The following PDZRN4 variants were observed in gnomAD, a reference collection of about 807,000 sequenced individuals.
The protein encoded by PDZRN4 is PDZ domain-containing RING finger protein 4.
Under a neutral mutation model 99.0 loss-of-function variants are expected in PDZRN4, and 70 were observed. The ratio of observed to expected loss-of-function variants is 0.71; its 90% CI spans 0.58 to 0.86. The LOEUF (loss-of-function observed/expected upper bound fraction) is 0.86, where lower values mean the gene tolerates loss of function less well. Ranked by LOEUF, PDZRN4 falls within the 40% of genes least tolerant of loss-of-function variation. PDZRN4 has a pLI of 0.00. For missense variants in PDZRN4, 1,474 were observed against 1,331.2 expected (o/e 1.11, Z -1.67); for synonymous variants, 551 against 501.6 (o/e 1.10, Z -1.32).
intron 3 of PDZRN4, among the ~76,000 whole-genome samples, chr12:41,196,022 T>C (rs1214967764): frequency 6.6e-6 from 1 of 152,168 alleles, no homozygotes; most frequent in Admixed American, 6.5e-5. Flanking sequence ...GACAATATTA[T>C]GTATGCTTCA....
intron 3 of PDZRN4, among the ~76,000 whole-genome samples, chr12:41,261,100 G>C (rs191930199): frequency 6.6e-6 from 1 of 152,130 alleles, no homozygotes; most frequent in African/African-American, 2.4e-5. Flanking sequence ...AGTTTTAAAA[G>C]ACATAGGATT....
In PDZRN4 at chr12:41,188,687, C is replaced by A; in HGVS notation, c.232C>A (p.Arg78=). 1 of 1,559,148 alleles carries A rather than the reference C, an allele frequency of 6.4e-7. No homozygotes were observed. The highest frequency in any genetic ancestry group is 1.2e-5 in the South Asian group (1 of 85,756). The change falls in exon 1 of 10, where the codon CGA becomes AGA. Residue 78 remains arginine, a synonymous_variant. Coordinates refer to ENST00000402685, the MANE Select transcript of PDZRN4 (RefSeq NM_001164595.2). The part of the protein sequence containing the change: ...LPLRSLIQKL[R]VQCDYRARGC... The stretch of plus-strand genomic sequence containing the variant: ...GCTGCGCAGCCTCATCCAGAAGCTG[C>A]GAGTCCAGTGCGACTACCGCGCCCG...
At chr12:41,541,271 T>A (rs1479343230) in intron 5 of PDZRN4, among the ~76,000 whole-genome samples, 4 of 151,660 alleles carry the variant, frequency 2.6e-5, no homozygotes, top group Non-Finnish European at 5.9e-5. Flanking sequence ...TCCTTACCCA[T>A]CTATCCTACC....
chr12:41,489,804 C>T (rs1169917171), intron 3 of PDZRN4, among the ~76,000 whole-genome samples: 1 of 151,902 alleles, frequency 6.6e-6, no homozygotes, highest in African/African-American at 2.4e-5. Context: ...TTCACAAGGG[C>T]CAAGTTCAGC....
At chr12:41,384,355 C>T (rs1051374624) in intron 3 of PDZRN4, among the ~76,000 whole-genome samples, 2 of 152,084 alleles carry the variant, frequency 1.3e-5, no homozygotes, top group Non-Finnish European at 2.9e-5. Flanking sequence ...GTAATATCCT[C>T]CTTACTCAGT....
At chr12:41,505,029 T>C (rs1938180666) in intron 3 of PDZRN4, among the ~76,000 whole-genome samples, 1 of 152,142 alleles carries the variant, frequency 6.6e-6, no homozygotes, top group Admixed American at 6.5e-5. Flanking sequence ...CTACATGACA[T>C]GATGATTTCT....
intron 3 of PDZRN4, among the ~76,000 whole-genome samples, chr12:41,267,021 A>T (rs1159370493): frequency 6.6e-6 from 1 of 152,172 alleles, no homozygotes; most frequent in Non-Finnish European, 1.5e-5. Context: ...GCATCAAAGC[A>T]TTCTTTGCTC....
rs189518071 is a variant in PDZRN4 at position 41,204,436 on chromosome 12, T to A, written c.843+10248T>A. Among the ~76,000 whole-genome samples the A allele has an allele frequency of 1.4e-3, 213 of 152,058 alleles. 2 individuals carry two copies. The highest frequency in any genetic ancestry group is 7.1e-4 in the Non-Finnish European group (48 of 67,926). On this transcript the variant is annotated intron_variant, in intron 3 of 9. Coordinates refer to ENST00000402685, the MANE Select transcript of PDZRN4 (RefSeq NM_001164595.2). ...TGTTAGAAAAGATCTTGCAGTAATA[T>A]AGTGGGTGTTGGAAGTACTAGGCCA... is the stretch of plus-strand genomic sequence containing the variant.
At chr12:41,314,298 A>G (rs11180776) in intron 3 of PDZRN4, among the ~76,000 whole-genome samples, 13,156 of 152,102 alleles carry the variant, frequency 0.086, 635 homozygotes, top group East Asian at 0.13. Flanking sequence ...TGATCCTCCA[A>G]CCCTATATTT....
chr12:41,236,022 A>G (rs1486298749), intron 3 of PDZRN4, among the ~76,000 whole-genome samples: 1 of 152,198 alleles, frequency 6.6e-6, no homozygotes, highest in African/African-American at 2.4e-5. Flanking sequence ...AATAAACTCT[A>G]CATTTATTTG....
At chr12:41,305,417 C>T (rs1293865976) in intron 3 of PDZRN4, among the ~76,000 whole-genome samples, 2 of 152,164 alleles carry the variant, frequency 1.3e-5, no homozygotes, top group Admixed American at 6.5e-5. Flanking sequence ...TCAATCAACT[C>T]GAGTGACTAT....
intron 3 of PDZRN4, among the ~76,000 whole-genome samples, chr12:41,195,052 T>C (rs1950762473): frequency 6.7e-6 from 1 of 148,608 alleles, no homozygotes; most frequent in Middle Eastern, 3.4e-3. Context: ...GTGAGAACTC[T>C]TTGTATGTTT....
At chr12:41,550,662 C>T (rs77416160) in intron 5 of PDZRN4, among the ~76,000 whole-genome samples, 3,264 of 152,170 alleles carry the variant, frequency 0.021, 105 homozygotes, top group African/African-American at 0.071. Context: ...TATAGAGTAT[C>T]TTTGTCCACC....
At chr12:41,461,858 T>A (rs1952876486) in intron 3 of PDZRN4, among the ~76,000 whole-genome samples, 2 of 152,120 alleles carry the variant, frequency 1.3e-5, no homozygotes, top group Admixed American at 1.3e-4. Context: ...TGCATGCCTG[T>A]CTTTCTCCTC....
chr12:41,372,133 G>A (rs750346726), intron 3 of PDZRN4, among the ~76,000 whole-genome samples: 13 of 144,912 alleles, frequency 9.0e-5, no homozygotes, highest in Non-Finnish European at 1.4e-4. Context: ...GCCCTATAAG[G>A]GATTAAAGGG....
chr12:41,354,403 A>G (rs1951912584), intron 3 of PDZRN4, among the ~76,000 whole-genome samples: 1 of 152,018 alleles, frequency 6.6e-6, no homozygotes, highest in African/African-American at 2.4e-5. Flanking sequence ...AGAACAACCC[A>G]AAGATTATTA....
intron 3 of PDZRN4, among the ~76,000 whole-genome samples, chr12:41,392,886 T>C (rs1031284538): frequency 6.6e-6 from 1 of 152,172 alleles, no homozygotes; most frequent in East Asian, 1.9e-4. Flanking sequence ...TAATTAGCCT[T>C]GAGACAAGAA....
chr12:41,437,334 A>G (rs1372026729), intron 3 of PDZRN4, among the ~76,000 whole-genome samples: 1 of 152,124 alleles, frequency 6.6e-6, no homozygotes, highest in Non-Finnish European at 1.5e-5. Context: ...AATGCTAAAA[A>G]TATTTCTCCT....
chr12:41,404,997 C>T (rs56047885), intron 3 of PDZRN4, among the ~76,000 whole-genome samples: 232 of 152,018 alleles, frequency 1.5e-3, no homozygotes, highest in Non-Finnish European at 2.7e-3. Flanking sequence ...TGTAATACCC[C>T]AAACTATAAA....
Sources: gnomAD v4.1 joint callset for allele counts (sites outside exome capture counted in the v4.1 genomes callset) on GRCh38, gnomAD v4.1.1 for gene constraint, MANE v1.5 for transcripts, NCBI Gene and HGNC (gene_info 2026-07-23, HGNC 2026-07-21) for gene names.